Variants in AMIGO1 observed in about 807,000 individuals in gnomAD.
AMIGO1 encodes the protein adhesion molecule with Ig like domain 1, also known as amphoterin-induced protein 1.
For missense variants in AMIGO1, 361 were observed against 612.3 expected, an observed-to-expected ratio of 0.59 and a Z score of 4.33; for synonymous variants, 249 against 266.3, an observed-to-expected ratio of 0.93 and a Z score of 0.63.
Position 109,508,544 on chromosome 1 carries a change from A to G in AMIGO1, c.369T>C (p.Arg123=). 1 of 1,614,170 alleles carries G rather than the reference A, an allele frequency of 6.2e-7. No homozygotes were observed. The change falls in exon 2 of 2, where the codon CGT becomes CGC. Residue 123 remains arginine, a synonymous_variant. Transcript: ENST00000369864. The surrounding 1 kb of genome is among the most constrained non-coding windows in gnomAD (Gnocchi z 7.8). ...RYLDLSSNQL[R]TLDEFLFSDL... is the part of the protein sequence containing the mutation. Reference sequence around the variant, plus strand: ...CACTGAACAGGAACTCATCCAGTGTACGCAGCTGGTTGGAGGAGAGGTCCA... The same window carrying G: ...CACTGAACAGGAACTCATCCAGTGTGCGCAGCTGGTTGGAGGAGAGGTCCA...
At position 109,504,865 on chromosome 1, in the gene AMIGO1, T is replaced by A. The variant is rs1657977669; in HGVS notation, c.*2566A>T. On this transcript the variant is annotated 3_prime_UTR_variant, in exon 2 of 2. Transcript: ENST00000369864. Reference sequence around the variant, plus strand: ...GCCCTCCCAGTCCTCAGGAGCTCCATCACGATGCCCCAGAAGGCCTGCTTC... The same window carrying A: ...GCCCTCCCAGTCCTCAGGAGCTCCAACACGATGCCCCAGAAGGCCTGCTTC... 1 of 152,118 alleles carries A rather than the reference T, an allele frequency of 6.6e-6. No homozygotes were observed. The highest frequency in any genetic ancestry group is 2.4e-5 in the African/African-American group (1 of 41,426). 9.4% of individuals were successfully genotyped at this position (152,118 alleles called of 1,614,324 possible). A position where few individuals can be genotyped will look rare whatever the true frequency, so the allele number is the denominator to read the frequency against.
Position 109,508,363 on chromosome 1 carries a change from G to A in AMIGO1, c.550C>T (p.Leu184=). ...AGATCCAGGAGCGTTAGTTTGGGTA[G>A]CTTGGCTCCTTCCTTGACCAGTTCC... The part of the protein sequence containing the change: ...PLELVKEGAK[L]PKLTLLDLSS... Residue 184 remains leucine, a synonymous_variant, in exon 2 of 2, where the codon CTA becomes TTA. Transcript: ENST00000369864. This position sits in a 1 kb window ranked among gnomAD's most constrained non-coding sequence, Gnocchi z 7.8. 1 of 1,614,178 alleles carries A rather than the reference G, an allele frequency of 6.2e-7. No individual in the cohort carries two copies. Among genetic ancestry groups the A allele is most frequent in the Non-Finnish European group, 8.5e-7 (1 of 1,180,030 alleles).
In AMIGO1 at chr1:109,507,692, G is replaced by C; in HGVS notation, c.1221C>G (p.Ser407=). The C allele has an allele frequency of 6.2e-7, 1 of 1,614,116 alleles. No individual in the cohort carries two copies. Among genetic ancestry groups the C allele is most frequent in the African/African-American group, 1.3e-5 (1 of 75,014 alleles). The change falls in exon 2 of 2, where the codon TCC becomes TCG. Residue 407 remains serine, a synonymous_variant. Transcript: ENST00000369864. The surrounding 1 kb of genome is among the most constrained non-coding windows in gnomAD (Gnocchi z 4.7). ...RCWCRGVEKP[S]SHQGDSLSSS... is the part of the protein sequence containing the mutation. ...AGCTGAGGCTGTCTCCTTGATGGCTGGAAGGCTTCTCTACACCCCGGCACC... is the reference window on the plus strand; with the variant it reads ...AGCTGAGGCTGTCTCCTTGATGGCTCGAAGGCTTCTCTACACCCCGGCACC...
In AMIGO1 at chr1:109,506,987, G is replaced by A. The variant is rs1268033830; in HGVS notation, c.*444C>T. ...AAGAAGATACTACAGCTTTTCCCCA[G>A]TGTGGCTCCTGTGGAAGCTCCCCCA... On this transcript the variant is annotated 3_prime_UTR_variant, in exon 2 of 2. Transcript: ENST00000369864. The A allele has an allele frequency of 6.2e-6, 1 of 160,206 alleles. No homozygotes were observed. The highest frequency in any genetic ancestry group is 1.4e-5 in the Non-Finnish European group (1 of 72,418). The allele number at this position is 160,206 out of a possible 1,614,324, so 9.9% of individuals were successfully genotyped here. A position where few individuals can be genotyped will look rare whatever the true frequency, so the allele number is the denominator to read the frequency against.
rs200038885 is a variant in AMIGO1, at chr1:109,508,508, T to C, written c.405A>G (p.Val135=). The C allele has an allele frequency of 1.3e-4, 210 of 1,614,136 alleles. 3 individuals carry two copies. The Middle Eastern group carries it at 3.0e-3, about 23-fold the overall frequency. The part of the protein sequence containing the change: ...LDEFLFSDLQ[V]LEVLLLYNNH... ...TATTGTAGAGCAGCAGCACCTCCAGTACTTGCAGGTCACTGAACAGGAACT... is the reference window on the plus strand; with the variant it reads ...TATTGTAGAGCAGCAGCACCTCCAGCACTTGCAGGTCACTGAACAGGAACT... The change falls in exon 2 of 2, where the codon GTA becomes GTG. Residue 135 remains valine, a synonymous_variant. Coordinates refer to ENST00000369864, the MANE Select transcript of AMIGO1 (RefSeq NM_020703.4). The surrounding 1 kb of genome is among the most constrained non-coding windows in gnomAD (Gnocchi z 7.8).
In AMIGO1 at chr1:109,507,577, G is replaced by T. The variant is rs774251914; in HGVS notation, c.1336C>A (p.Pro446Thr). The T allele has an allele frequency of 8.1e-6, 13 of 1,613,830 alleles. No homozygotes were observed. The highest frequency in any genetic ancestry group is 2.2e-5 in the East Asian group (1 of 44,886). The change falls in exon 2 of 2, where the codon CCT becomes ACT. Residue 446 changes from proline (P) to threonine (T), a missense_variant. Coordinates refer to ENST00000369864, the MANE Select transcript of AMIGO1 (RefSeq NM_020703.4). The surrounding 1 kb of genome is among the most constrained non-coding windows in gnomAD (Gnocchi z 4.7). ...TTTTGACCCTGCCCAGGTCCAGCAGGTTCCAGGAAAGCCACCCGCCGGTCA... is the reference window on the plus strand; with the variant it reads ...TTTTGACCCTGCCCAGGTCCAGCAGTTTCCAGGAAAGCCACCCGCCGGTCA... ...GFDRRVAFLE[P>T]AGPGQGQNGK...
At position 109,508,656 on chromosome 1, in the gene AMIGO1, G is replaced by T; in HGVS notation, c.257C>A (p.Thr86Asn). 6.2e-7 allele frequency: 1 copy of T among 1,614,186 alleles called. No homozygotes were observed. Among genetic ancestry groups the T allele is most frequent in the Non-Finnish European group, 8.5e-7 (1 of 1,180,044 alleles). ...LRAEWTPTRL[T>N]QLHSLLLSHN... The stretch of plus-strand genomic sequence containing the variant: ...GCTCAGCAGCAGGGAGTGCAGTTGG[G>T]TCAGGCGCGTGGGGGTCCACTCGGC... The change falls in exon 2 of 2, where the codon ACC becomes AAC. Residue 86 changes from threonine (T) to asparagine (N), a missense_variant. Transcript: ENST00000369864. This position sits in a 1 kb window ranked among gnomAD's most constrained non-coding sequence, Gnocchi z 7.8.
In AMIGO1 at chr1:109,505,698, G is replaced by A. The variant is rs1344347192; in HGVS notation, c.*1733C>T. The stretch of plus-strand genomic sequence containing the variant: ...TCATAATAGGAAGCTTAATAGTCAG[G>A]CCCTCCAAGCCCCTCACCCACAGGT... On this transcript the variant is annotated 3_prime_UTR_variant, in exon 2 of 2. Coordinates refer to ENST00000369864, the MANE Select transcript of AMIGO1 (RefSeq NM_020703.4). The A allele has an allele frequency of 1.3e-5, 2 of 151,928 alleles. No individual in the cohort carries two copies. The highest frequency in any genetic ancestry group is 4.8e-5 in the African/African-American group (2 of 41,246). 9.4% of individuals were successfully genotyped at this position (151,928 alleles called of 1,614,324 possible).
In AMIGO1 at chr1:109,508,859, G is replaced by A; in HGVS notation, c.54C>T (p.Ser18=). The A allele has an allele frequency of 6.2e-7, 1 of 1,608,590 alleles. No individual in the cohort carries two copies. The highest frequency in any genetic ancestry group is 8.5e-7 in the Non-Finnish European group (1 of 1,176,834). The change falls in exon 2 of 2, where the codon TCC becomes TCT. Residue 18 remains serine, a synonymous_variant. Transcript: ENST00000369864. This position sits in a 1 kb window ranked among gnomAD's most constrained non-coding sequence, Gnocchi z 7.8. ...RGLWLLLPSL[S]LLLFEVARAG... ...CTCTGGCCACCTCAAAAAGCAGCAGGGACAAGGACGGCAGCAGGAGCCAGA... is the reference window on the plus strand; with the variant it reads ...CTCTGGCCACCTCAAAAAGCAGCAGAGACAAGGACGGCAGCAGGAGCCAGA...
At position 109,507,584 on chromosome 1, in the gene AMIGO1, G is replaced by A. The variant is rs772008087; in HGVS notation, c.1329C>T (p.Phe443=). 1 of 1,613,740 alleles carries A rather than the reference G, an allele frequency of 6.2e-7. No homozygotes were observed. Among genetic ancestry groups the A allele is most frequent in the African/African-American group, 1.3e-5 (1 of 74,908 alleles). ...KDDGFDRRVA[F]LEPAGPGQGQ... ...CCTGCCCAGGTCCAGCAGGTTCCAG[G>A]AAAGCCACCCGCCGGTCAAAACCAT... Residue 443 remains phenylalanine, a synonymous_variant, in exon 2 of 2, where the codon TTC becomes TTT. Coordinates refer to ENST00000369864, the MANE Select transcript of AMIGO1 (RefSeq NM_020703.4). The surrounding 1 kb of genome is among the most constrained non-coding windows in gnomAD (Gnocchi z 4.7).
chr1:109,507,539 C>T lies in AMIGO1; in HGVS notation c.1374G>A (p.Lys458=). The T allele has an allele frequency of 6.2e-7, 1 of 1,614,168 alleles. No homozygotes were observed. The highest frequency in any genetic ancestry group is 8.5e-7 in the Non-Finnish European group (1 of 1,180,040). The change falls in exon 2 of 2, where the codon AAG becomes AAA. Residue 458 remains lysine, a synonymous_variant. Transcript: ENST00000369864. This position sits in a 1 kb window ranked among gnomAD's most constrained non-coding sequence, Gnocchi z 4.7. ...CAGGCACTGGCAGGGTGTTGCCTGGCTTGAGCTTGCCGTTTTGACCCTGCC... is the reference window on the plus strand; with the variant it reads ...CAGGCACTGGCAGGGTGTTGCCTGGTTTGAGCTTGCCGTTTTGACCCTGCC... The part of the protein sequence containing the change: ...GPGQGQNGKL[K]PGNTLPVPEA...
Position 109,508,592 on chromosome 1 carries a change from G to T in AMIGO1, c.321C>A (p.Ser107=), listed in dbSNP as rs1194788988. 3.7e-6 allele frequency: 6 copies of T among 1,614,050 alleles called. No individual in the cohort carries two copies. The highest frequency in any genetic ancestry group is 5.1e-6 in the Non-Finnish European group (6 of 1,180,048). The change falls in exon 2 of 2, where the codon TCC becomes TCA. Residue 107 remains serine (S), a synonymous_variant. Transcript: ENST00000369864. The surrounding 1 kb of genome is among the most constrained non-coding windows in gnomAD (Gnocchi z 7.8). ...HLNFISSEAF[S]PVPNLRYLDL... ...CCAGGTAGCGCAGGTTGGGTACCGG[G>T]GAAAAGGCCTCAGAGGAGATGAAGT...
rs547950562 is a variant in AMIGO1 at position 109,504,729 on chromosome 1, T to C, written c.*2702A>G. The C allele has an allele frequency of 1.3e-5, 2 of 152,262 alleles. No homozygotes were observed. The highest frequency in any genetic ancestry group is 2.1e-4 in the South Asian group (1 of 4,820). 9.4% of individuals were successfully genotyped at this position (152,262 alleles called of 1,614,324 possible). ...TCTCTTGGTAGGGCAGCCAGGTACA[T>C]CTACCAGGTGTCTCAAACTCAAGGC... On this transcript the variant is annotated 3_prime_UTR_variant, in exon 2 of 2. Transcript: ENST00000369864.
chr1:109,508,200 T>A lies in AMIGO1; in HGVS notation c.713A>T (p.Tyr238Phe). 6.2e-7 allele frequency: 1 copy of A among 1,614,168 alleles called. No homozygotes were observed. The highest frequency in any genetic ancestry group is 8.5e-7 in the Non-Finnish European group (1 of 1,180,048). ...ELYQLFSHWQ[Y>F]RQLSSVMDFQ... ...GTCCATCACGGAGCTCAGCTGCCGATACTGCCAGTGTGAAAACAGCTGGTA... is the reference window on the plus strand; with the variant it reads ...GTCCATCACGGAGCTCAGCTGCCGAAACTGCCAGTGTGAAAACAGCTGGTA... Residue 238 changes from tyrosine to phenylalanine, a missense_variant, in exon 2 of 2, where the codon TAT becomes TTT. Transcript: ENST00000369864. This position sits in a 1 kb window ranked among gnomAD's most constrained non-coding sequence, Gnocchi z 7.8.
Position 109,507,612 on chromosome 1 carries a change from T to A in AMIGO1, c.1301A>T (p.Asp434Val). 5 of 1,614,096 alleles carry A rather than the reference T, an allele frequency of 3.1e-6. No individual in the cohort carries two copies. Among genetic ancestry groups the A allele is most frequent in the Non-Finnish European group, 4.2e-6 (5 of 1,180,014 alleles). The change falls in exon 2 of 2, where the codon GAT becomes GTT. Residue 434 changes from aspartate (D) to valine (V), a missense_variant. Asp to Val is a radical substitution (Grantham distance 152, BLOSUM62 -3). Coordinates refer to ENST00000369864, the MANE Select transcript of AMIGO1 (RefSeq NM_020703.4). The surrounding 1 kb of genome is among the most constrained non-coding windows in gnomAD (Gnocchi z 4.7). ...NHDPMAGGDKDDGFDRRVAFL... is the reference protein window; with the variant it reads ...NHDPMAGGDKVDGFDRRVAFL... ...AGCCACCCGCCGGTCAAAACCATCATCTTTGTCCCCACCAGCCATAGGATC... is the reference window on the plus strand; with the variant it reads ...AGCCACCCGCCGGTCAAAACCATCAACTTTGTCCCCACCAGCCATAGGATC...
In AMIGO1 at chr1:109,507,568, G is replaced by A. The variant is rs113099691; in HGVS notation, c.1345C>T (p.Pro449Ser). 20 of 1,614,008 alleles carry A rather than the reference G, an allele frequency of 1.2e-5. No individual in the cohort carries two copies. In the African/African-American group the frequency reaches 1.3e-4, roughly 11 times the overall value. ...AGCTTGCCGTTTTGACCCTGCCCAG[G>A]TCCAGCAGGTTCCAGGAAAGCCACC... ...RRVAFLEPAG[P>S]GQGQNGKLKP... Residue 449 changes from proline (P) to serine (S), a missense_variant, in exon 2 of 2, where the codon CCT (proline) becomes TCT (serine). Pro to Ser is a moderately conservative substitution (Grantham distance 74). Coordinates refer to ENST00000369864, the MANE Select transcript of AMIGO1 (RefSeq NM_020703.4). This position sits in a 1 kb window ranked among gnomAD's most constrained non-coding sequence, Gnocchi z 4.7.
chr1:109,509,044 G>A, intron 1 of AMIGO1, 45 bp from the exon 2 acceptor site: 1 of 1,068,858 alleles, frequency 9.4e-7, no homozygotes, highest in Non-Finnish European at 1.3e-6. Flanking sequence ...GGACTCCAGA[G>A]GGAAGGACAC....
In AMIGO1 at chr1:109,508,934, G is replaced by A; in HGVS notation, c.-22C>T. ...GCATAGTGTCACTGGAGTGGGCGAGGAAGGCCACAAGGAAGATCTGGGAGG... is the reference window on the plus strand; with the variant it reads ...GCATAGTGTCACTGGAGTGGGCGAGAAAGGCCACAAGGAAGATCTGGGAGG... On this transcript the variant is annotated 5_prime_UTR_variant, in exon 2 of 2. Coordinates refer to ENST00000369864, the MANE Select transcript of AMIGO1 (RefSeq NM_020703.4). This position sits in a 1 kb window ranked among gnomAD's most constrained non-coding sequence, Gnocchi z 7.8. 6.6e-7 allele frequency: 1 copy of A among 1,508,802 alleles called. No homozygotes were observed. Among genetic ancestry groups the A allele is most frequent in the Non-Finnish European group, 8.9e-7 (1 of 1,127,806 alleles). 93.5% of individuals were successfully genotyped at this position (1,508,802 alleles called of 1,614,324 possible).
rs1001223291 is a variant in AMIGO1 at position 109,508,061 on chromosome 1, G to A, written c.852C>T (p.Asp284=). The change falls in exon 2 of 2, where the codon GAC becomes GAT. Residue 284 remains aspartate, a synonymous_variant. Coordinates refer to ENST00000369864, the MANE Select transcript of AMIGO1 (RefSeq NM_020703.4). The surrounding 1 kb of genome is among the most constrained non-coding windows in gnomAD (Gnocchi z 7.8). ...TGGTGTCACACTTGATGATCAAGGT[G>A]TCACCCAGGTGGGCCTCCCAGGCAC... ...KERAWEAHLG[D]TLIIKCDTKQ... 1.9e-6 allele frequency: 3 copies of A among 1,614,048 alleles called. No individual in the cohort carries two copies. The African/African-American group carries it at 4.0e-5, about 22-fold the overall frequency.
Sources: gnomAD v4.1 joint callset for allele counts on GRCh38, gnomAD v4.1.1 for gene constraint, Gnocchi (gnomAD v3.1) non-coding constraint, MANE v1.5 for transcripts, NCBI Gene and HGNC (gene_info 2026-07-23, HGNC 2026-07-21) for gene names.